Variants in TBCD observed in about 807,000 individuals in gnomAD.
TBCD encodes the protein tubulin-specific chaperone D.
TBCD carries 105 observed loss-of-function variants against 169.3 expected under a neutral mutation model. The ratio of observed to expected loss-of-function variants is 0.62; its 90% confidence interval spans 0.53 to 0.73. The LOEUF (loss-of-function observed/expected upper bound fraction) is 0.73. TBCD is among the 30% of genes least tolerant of loss of function. TBCD has a pLI of 0.00. For missense variants in TBCD, 1,444 were observed against 1,600.1 expected (o/e 0.90, Z 1.66); for synonymous variants, 700 against 643.9 (o/e 1.09, Z -1.32).
intron 7 of TBCD, among the ~76,000 whole-genome samples, chr17:82,786,940 A>G: frequency 3.1e-4 from 1 of 3,240 alleles, no homozygotes; most frequent in Non-Finnish European, 5.8e-4. Flanking sequence ...GAATACCCAG[A>G]GGGTGGGTGG....
chr17:82,845,720 C>T (rs2054982335), intron 13 of TBCD, among the ~76,000 whole-genome samples: 2 of 152,232 alleles, frequency 1.3e-5, no homozygotes, highest in African/African-American at 2.4e-5. Context: ...TTGGCTCTTC[C>T]ATCTTCACCC....
At position 82,814,897 on chromosome 17, in the gene TBCD, C is replaced by T; in HGVS notation, c.1281C>T (p.Gly427=). 2 of 1,612,788 alleles carry T rather than the reference C, an allele frequency of 1.2e-6. No homozygotes were observed. The highest frequency in any genetic ancestry group is 1.7e-6 in the Non-Finnish European group (2 of 1,179,492). ...HGGCLALAEL[G]RRGLLLPSRL... Reference sequence around the variant, plus strand: ...GATGTCTGGCGCTGGCAGAGCTGGGCAGGAGAGGCCTGTTGCTGCCGTCTC... The same window carrying T: ...GATGTCTGGCGCTGGCAGAGCTGGGTAGGAGAGGCCTGTTGCTGCCGTCTC... The change falls in exon 13 of 39, where the codon GGC becomes GGT. Residue 427 remains glycine, a synonymous_variant. Coordinates refer to ENST00000355528, the MANE Select transcript of TBCD (RefSeq NM_005993.5).
At chr17:82,883,945 T>C (rs1201059020) in intron 14 of TBCD, among the ~76,000 whole-genome samples, 200 bp from the exon 15 acceptor site, 2 of 151,898 alleles carry the variant, frequency 1.3e-5, no homozygotes, top group Non-Finnish European at 2.9e-5. Flanking sequence ...CACCCCCAGC[T>C]CCCACATGGC....
At chr17:82,850,296 TTGTTGGCTGTGCTCTTCTGC>T (rs2055646655) in intron 13 of TBCD, among the ~76,000 whole-genome samples, 17 of 138,698 alleles carry the variant, frequency 1.2e-4, no homozygotes, top group Admixed American at 5.1e-4. Flanking sequence ...GGCTGTGCTG[TTGTTGGCTGTGCTCTTCTGC>T]TGTTGGCTGT....
intron 13 of TBCD, among the ~76,000 whole-genome samples, chr17:82,827,451 C>G (rs2052955261): frequency 6.6e-6 from 1 of 152,202 alleles, no homozygotes; most frequent in Admixed American, 6.5e-5. Flanking sequence ...GGCTGAGGCT[C>G]CGGAAGTCTA....
intron 16 of TBCD, chr17:82,893,310 A>T: frequency 1.9e-6 from 1 of 533,666 alleles, no homozygotes; most frequent in Middle Eastern, 4.2e-4. Context: ...AAAAAGATGA[A>T]ATACTTGTGA....
At chr17:82,875,771 C>T (rs929646728) in intron 14 of TBCD, among the ~76,000 whole-genome samples, 1 of 152,198 alleles carries the variant, frequency 6.6e-6, no homozygotes, top group Non-Finnish European at 1.5e-5. Context: ...ACGTGTTTTT[C>T]AAGAAAAGTT....
In TBCD at chr17:82,845,695, G is replaced by T. The variant is rs148402958; in HGVS notation, c.1319-24529G>T. 9.2e-5 allele frequency among the ~76,000 whole-genome samples: 14 copies of T among 152,328 alleles called. No individual in the cohort carries two copies. In the East Asian group the frequency reaches 2.7e-3, roughly 29 times the overall value. ...CAGCATCCTCTCCAGTGCACTGTGT[G>T]CTGGGACTCAAGTCTTGGCTCTTCC... On this transcript the variant is annotated intron_variant, in intron 13 of 38. Coordinates refer to ENST00000355528, the MANE Select transcript of TBCD (RefSeq NM_005993.5).
intron 2 of TBCD, among the ~76,000 whole-genome samples, chr17:82,761,406 A>G (rs1387634258): frequency 6.6e-6 from 1 of 152,228 alleles, no homozygotes; most frequent in Admixed American, 6.5e-5. Flanking sequence ...TACCTACTAT[A>G]AAATGCACCC....
intron 13 of TBCD, chr17:82,829,310 C>T (rs888142410): frequency 6.5e-5 from 10 of 153,844 alleles, no homozygotes; most frequent in African/African-American, 2.2e-4. Flanking sequence ...TGTGCACACC[C>T]CCCCCACACA....
chr17:82,871,347 C>G (rs2057543010), intron 14 of TBCD, among the ~76,000 whole-genome samples: 1 of 152,206 alleles, frequency 6.6e-6, no homozygotes, highest in Admixed American at 6.5e-5. Flanking sequence ...CAGGTGCTTC[C>G]TTTCTTGTTG....
At chr17:82,867,247 G>A (rs1042109216) in intron 13 of TBCD, among the ~76,000 whole-genome samples, 4 of 152,198 alleles carry the variant, frequency 2.6e-5, no homozygotes, top group Non-Finnish European at 2.9e-5. Flanking sequence ...AGGTGCATGC[G>A]TTGGGCGTGC....
chr17:82,863,936 C>T (rs183683141), intron 13 of TBCD, among the ~76,000 whole-genome samples: 3 of 152,364 alleles, frequency 2.0e-5, no homozygotes, highest in South Asian at 2.1e-4. Flanking sequence ...AAATGCCTCA[C>T]AGCGGCAGTC....
At chr17:82,781,317 C>T (rs892198991) in intron 6 of TBCD, among the ~76,000 whole-genome samples, 5 of 6,462 alleles carry the variant, frequency 7.7e-4, no homozygotes, top group South Asian at 0.011. Context: ...AGGGGGCAGG[C>T]GGGGGGGGAT....
chr17:82,933,830 C>G (rs2062411445), intron 34 of TBCD, among the ~76,000 whole-genome samples: 1 of 152,096 alleles, frequency 6.6e-6, no homozygotes, highest in African/African-American at 2.4e-5. Flanking sequence ...TCAGGCTGGT[C>G]TCGAACTCCT....
Position 82,923,634 on chromosome 17 carries a change from G to C in TBCD, c.2179-18G>C. ...CGAGCAGAGCTGCTGTGCGCTCACCGTGCTGCCTTTGTTTTAGGATGCAGC... is the reference window on the plus strand; with the variant it reads ...CGAGCAGAGCTGCTGTGCGCTCACCCTGCTGCCTTTGTTTTAGGATGCAGC... On this transcript the variant is annotated intron_variant, in intron 25 of 38. Coordinates refer to ENST00000355528, the MANE Select transcript of TBCD (RefSeq NM_005993.5). The surrounding 1 kb of genome is among the most constrained non-coding windows in gnomAD (Gnocchi z 4.6). 1 of 1,557,022 alleles carries C rather than the reference G, an allele frequency of 6.4e-7. No homozygotes were observed. The highest frequency in any genetic ancestry group is 1.2e-5 in the South Asian group (1 of 84,444).
chr17:82,770,763 C>T (rs1432913206), intron 5 of TBCD, among the ~76,000 whole-genome samples: 2 of 151,792 alleles, frequency 1.3e-5, no homozygotes, highest in Non-Finnish European at 2.9e-5. Flanking sequence ...CACCTGTAAT[C>T]CCAGCACTTT....
At chr17:82,793,050 A>G (rs576600452) in intron 7 of TBCD, among the ~76,000 whole-genome samples, 2 of 152,192 alleles carry the variant, frequency 1.3e-5, no homozygotes, top group South Asian at 2.1e-4. Flanking sequence ...GGTGTGAGCC[A>G]CTACACCCAG....
intron 13 of TBCD, among the ~76,000 whole-genome samples, chr17:82,863,379 C>A (rs1257095231): frequency 6.6e-6 from 1 of 152,130 alleles, no homozygotes; most frequent in Non-Finnish European, 1.5e-5. Context: ...TGTACAGGAC[C>A]CTTCAGTGAT....
Sources: gnomAD v4.1 joint callset for allele counts (sites outside exome capture counted in the v4.1 genomes callset) on GRCh38, gnomAD v4.1.1 for gene constraint, Gnocchi (gnomAD v3.1) non-coding constraint, MANE v1.5 for transcripts, NCBI Gene and HGNC (gene_info 2026-07-23, HGNC 2026-07-21) for gene names.